SORBS2: variants seen among roughly 807,000 people sequenced by gnomAD.
The protein encoded by SORBS2 is sorbin and SH3 domain-containing protein 2.
SORBS2 carries 46 observed loss-of-function variants against 97.7 expected under a neutral mutation model. The observed-to-expected ratio is 0.47, with a 90% CI of 0.37 to 0.60. The LOEUF (loss-of-function observed/expected upper bound fraction) is 0.60. Among genes scored for constraint, SORBS2 ranks in the 20% least tolerant of loss-of-function variants. The pLI, the probability that SORBS2 is intolerant of heterozygous loss-of-function variation, is 0.00. For missense variants in SORBS2, 1,316 were observed against 1,282.3 expected (o/e 1.03, Z -0.40); for synonymous variants, 476 against 473.4 (o/e 1.01, Z -0.07).
In SORBS2 at chr4:185,868,155, C is replaced by CT. The variant is rs1431293135; in HGVS notation, c.-338+88040dup. On this transcript the variant is annotated intron_variant, in intron 1 of 20. Coordinates refer to the SORBS2 transcript ENST00000284776. ...CCTTTCTCTTTTCTTTTCTTTTTTTCTTTCTTTTTTTTTTTTTTTGAGGCA... is the reference window on the plus strand; with the variant it reads ...CCTTTCTCTTTTCTTTTCTTTTTTTCTTTTCTTTTTTTTTTTTTTTGAGGCA... Among the ~76,000 whole-genome samples, 354 of 100,336 alleles carry CT rather than the reference C, an allele frequency of 3.5e-3. 3 individuals are homozygous for CT. Among genetic ancestry groups the CT allele is most frequent in the East Asian group, 0.015 (50 of 3,294 alleles). 65.8% of individuals were successfully genotyped at this position (100,336 alleles called of 152,430 possible). A position where few individuals can be genotyped will look rare whatever the true frequency, so the allele number is the denominator to read the frequency against.
chr4:185,933,670 G>A (rs1440403498), intron 1 of SORBS2, among the ~76,000 whole-genome samples: 1 of 151,910 alleles, frequency 6.6e-6, no homozygotes, highest in African/African-American at 2.4e-5. Context: ...TATAAACAAG[G>A]ACACCACTTA....
In SORBS2 at chr4:185,670,149, G is replaced by A. The variant is rs542103965; in HGVS notation, c.-45-7907C>T. Reference sequence around the variant, plus strand: ...CAGGAGAATTGCTTGAACCTGGGAGGTGGAGGTTGCAGTGGGCCGAGATCA... The same window carrying A: ...CAGGAGAATTGCTTGAACCTGGGAGATGGAGGTTGCAGTGGGCCGAGATCA... On this transcript the variant is annotated intron_variant, in intron 4 of 20. Transcript: ENST00000284776. Among the ~76,000 whole-genome samples, 13 of 151,570 alleles carry A rather than the reference G, an allele frequency of 8.6e-5. 1 individual carries two copies. In the South Asian group the frequency reaches 2.7e-3, roughly 32 times the overall value.
intron 4 of SORBS2, among the ~76,000 whole-genome samples, chr4:185,643,133 C>T (rs1309185359): frequency 6.6e-6 from 1 of 152,216 alleles, no homozygotes; most frequent in Non-Finnish European, 1.5e-5. Flanking sequence ...ACACAGTGTG[C>T]CATGGGCACA....
chr4:185,612,418 C>G (rs2096554246), intron 11 of SORBS2, among the ~76,000 whole-genome samples: 1 of 151,998 alleles, frequency 6.6e-6, no homozygotes, highest in African/African-American at 2.4e-5. Flanking sequence ...GAGGGTCTGT[C>G]TGAAATGGGT....
intron 1 of SORBS2, among the ~76,000 whole-genome samples, chr4:185,914,752 G>A (rs577255514): frequency 1.1e-4 from 17 of 152,302 alleles, no homozygotes; most frequent in Non-Finnish European, 2.4e-4. Context: ...AGGCAGCTTT[G>A]TTTTCATTCC....
At chr4:185,689,592 G>A (rs1003844152) in intron 2 of SORBS2, among the ~76,000 whole-genome samples, 3 of 152,154 alleles carry the variant, frequency 2.0e-5, no homozygotes, top group Non-Finnish European at 2.9e-5. Context: ...ATCCCCAGGA[G>A]CCCGCCCGCA....
chr4:185,629,648 A>G (rs2096874707), intron 5 of SORBS2, among the ~76,000 whole-genome samples: 1 of 142,858 alleles, frequency 7.0e-6, no homozygotes, highest in Admixed American at 7.5e-5. Context: ...TGCAACCTCC[A>G]CCCTCCCAGG....
At chr4:185,736,329 G>C (rs1001618205) in intron 2 of SORBS2, among the ~76,000 whole-genome samples, 1 of 152,218 alleles carries the variant, frequency 6.6e-6, no homozygotes, top group Non-Finnish European at 1.5e-5. Flanking sequence ...GCAATGGTGG[G>C]ATTAAAGCAA....
At chr4:185,760,110 A>G (rs1402985896) in intron 2 of SORBS2, among the ~76,000 whole-genome samples, 3 of 152,194 alleles carry the variant, frequency 2.0e-5, no homozygotes, top group African/African-American at 7.2e-5. Flanking sequence ...TTCTCCATCC[A>G]TGCTTAGACT....
At chr4:185,924,773 G>C (rs1237929940) in intron 1 of SORBS2, among the ~76,000 whole-genome samples, 1 of 152,206 alleles carries the variant, frequency 6.6e-6, no homozygotes, top group Admixed American at 6.5e-5. Flanking sequence ...CGCACAGCGA[G>C]TTTTCTCTTT....
At chr4:185,627,570 T>C (rs568047895) in intron 5 of SORBS2, among the ~76,000 whole-genome samples, 2 of 152,172 alleles carry the variant, frequency 1.3e-5, no homozygotes, top group Non-Finnish European at 2.9e-5. Context: ...GACTGGAAAG[T>C]GTAGAGAGTT....
At chr4:185,939,528 G>A (rs1351155282) in intron 1 of SORBS2, among the ~76,000 whole-genome samples, 2 of 149,502 alleles carry the variant, frequency 1.3e-5, no homozygotes, top group African/African-American at 4.9e-5. Context: ...TTTTTTTTTT[G>A]AGATGGAGTT....
At chr4:185,625,128 G>A (rs1406240790) in intron 6 of SORBS2, among the ~76,000 whole-genome samples, 3 of 152,160 alleles carry the variant, frequency 2.0e-5, no homozygotes, top group Non-Finnish European at 4.4e-5. Context: ...AATAGCTAAA[G>A]CTCTTTAAAC....
In SORBS2 at chr4:185,606,227, C is replaced by T. The variant is rs954092146; in HGVS notation, c.2796+5553G>A. ...TGTCACACACCTCACTGGGTTTTGA[C>T]GATTAAAGATGTGGAGTTTTTAGAA... On this transcript the variant is annotated intron_variant, in intron 12 of 14. Coordinates refer to ENST00000418609, the Ensembl canonical transcript of SORBS2. This position sits in a 1 kb window ranked among gnomAD's most constrained non-coding sequence, Gnocchi z 4.3. 126 of 985,138 alleles carry T rather than the reference C, an allele frequency of 1.3e-4. No homozygotes were observed. The highest frequency in any genetic ancestry group is 2.5e-4 in the Admixed American group (4 of 16,260). The allele number at this position is 985,138 out of a possible 1,614,324, so 61.0% of individuals were successfully genotyped here.
At chr4:185,710,511 C>T (rs74767937) in intron 2 of SORBS2, among the ~76,000 whole-genome samples, 8,824 of 152,282 alleles carry the variant, frequency 0.058, 419 homozygotes, top group African/African-American at 0.13. Flanking sequence ...TCCACACTCC[C>T]CCCCAAATTT....
At chr4:185,910,297 A>G (rs771808975) in intron 1 of SORBS2, among the ~76,000 whole-genome samples, 6 of 152,196 alleles carry the variant, frequency 3.9e-5, no homozygotes, top group South Asian at 2.1e-4. Context: ...TCCATTTTCA[A>G]TGCGTTTCCT....
At chr4:185,875,235 CAG>C (rs1225621027) in intron 1 of SORBS2, among the ~76,000 whole-genome samples, 3 of 152,106 alleles carry the variant, frequency 2.0e-5, no homozygotes, top group Admixed American at 6.5e-5. Flanking sequence ...AAATTGCAAA[CAG>C]AGTACATTTT....
intron 1 of SORBS2, among the ~76,000 whole-genome samples, chr4:185,911,544 G>T (rs1240459777): frequency 2.0e-5 from 3 of 151,962 alleles, no homozygotes; most frequent in Non-Finnish European, 4.4e-5. Context: ...CCTTGAGTGC[G>T]CAAGTTTCCC....
At chr4:185,710,977 T>TA (rs1188129891) in intron 2 of SORBS2, among the ~76,000 whole-genome samples, 3 of 145,334 alleles carry the variant, frequency 2.1e-5, no homozygotes, top group African/African-American at 7.3e-5. Flanking sequence ...TTTTATTTTT[T>TA]ATTTTTTTTA....
Sources: allele counts gnomAD v4.1 joint callset (sites outside exome capture counted in the v4.1 genomes callset), GRCh38; gene constraint gnomAD v4.1.1; non-coding constraint Gnocchi (gnomAD v3.1); transcripts MANE v1.5; gene names NCBI Gene and HGNC (gene_info 2026-07-23, HGNC 2026-07-21).